Variants in VWA3B observed in about 807,000 individuals in gnomAD.
The protein encoded by VWA3B is von Willebrand factor A domain-containing protein 3B.
In VWA3B, 138 loss-of-function variants were observed where a neutral mutation model predicts 158.3. The observed-to-expected ratio is 0.87, with a 90% CI of 0.76 to 1.00. The LOEUF (loss-of-function observed/expected upper bound fraction) is 1.00. VWA3B is among the 50% of genes least tolerant of loss of function. The pLI is 0.00. For missense variants in VWA3B, 1,555 were observed against 1,565.1 expected (o/e 0.99, Z 0.11); for synonymous variants, 596 against 587.3 (o/e 1.01, Z -0.21).
At chr2:98,173,631 G>A (rs943876305) in intron 8 of VWA3B, among the ~76,000 whole-genome samples, 1 of 152,190 alleles carries the variant, frequency 6.6e-6, no homozygotes, top group African/African-American at 2.4e-5. Context: ...ATGCGATACA[G>A]GTATGGTGAA....
chr2:98,129,656 A>T (rs1053396126), intron 6 of VWA3B, among the ~76,000 whole-genome samples: 1 of 151,114 alleles, frequency 6.6e-6, no homozygotes, highest in African/African-American at 2.4e-5. Context: ...TAGTAATAAA[A>T]CCTGCATTTA....
At chr2:98,140,675 G>A (rs191324729) in intron 7 of VWA3B, among the ~76,000 whole-genome samples, 62 of 152,306 alleles carry the variant, frequency 4.1e-4, no homozygotes, top group African/African-American at 1.5e-3. Flanking sequence ...TGGGACCAGA[G>A]CGATGCTCCC....
intron 21 of VWA3B, among the ~76,000 whole-genome samples, chr2:98,264,017 T>C (rs971478614): frequency 6.6e-6 from 1 of 152,148 alleles, no homozygotes; most frequent in South Asian, 2.1e-4. Context: ...ATGCAATTTG[T>C]CGGTGTAATA....
chr2:98,288,156 T>TCC (rs1321608059), intron 22 of VWA3B, among the ~76,000 whole-genome samples: 1 of 152,168 alleles, frequency 6.6e-6, no homozygotes, highest in Non-Finnish European at 1.5e-5. Context: ...TGAGAATTGG[T>TCC]CATATTTGCT....
In VWA3B at chr2:98,250,439, G is replaced by C; in HGVS notation, c.2792+3G>C. 6.2e-7 allele frequency: 1 copy of C among 1,600,862 alleles called. No individual in the cohort carries two copies. The highest frequency in any genetic ancestry group is 1.1e-5 in the South Asian group (1 of 89,944). ...CAGGCAATTCAATCCTATGAAAAGTGAGTATTACTCTTGGCTGCTCTTTAA... is the reference window on the plus strand; with the variant it reads ...CAGGCAATTCAATCCTATGAAAAGTCAGTATTACTCTTGGCTGCTCTTTAA... On this transcript the variant is annotated splice_donor_region_variant and intron_variant, in intron 20 of 27. Coordinates refer to ENST00000477737, the MANE Select transcript of VWA3B (RefSeq NM_144992.5).
Position 98,128,233 on chromosome 2 carries a change from T to A in VWA3B, c.703-6T>A, listed in dbSNP as rs773588820. ...GAGATAAACCGTTGGCACCACTGTT[T>A]TGCAGATTGAATCCATTTACTACTT... On this transcript the variant is annotated splice_region_variant and splice_polypyrimidine_tract_variant and intron_variant, in intron 5 of 27. Coordinates refer to ENST00000477737, the MANE Select transcript of VWA3B (RefSeq NM_144992.5). The A allele has an allele frequency of 5.0e-6, 8 of 1,613,536 alleles. No homozygotes were observed. In the African/African-American group the frequency reaches 9.3e-5, roughly 19 times the overall value.
At chr2:98,206,830 G>C (rs1683061371) in intron 12 of VWA3B, 1 of 380,826 alleles carries the variant, frequency 2.6e-6, no homozygotes, top group African/African-American at 2.1e-5. Flanking sequence ...AGCCCATGGT[G>C]CTTAATCTGG....
intron 13 of VWA3B, among the ~76,000 whole-genome samples, chr2:98,215,170 G>A (rs927634624): frequency 8.5e-5 from 13 of 152,086 alleles, no homozygotes; most frequent in African/African-American, 1.7e-4. Flanking sequence ...GGCCAGGCGC[G>A]GTGGCTCATG....
At chr2:98,279,982 G>A (rs1035853546) in intron 22 of VWA3B, among the ~76,000 whole-genome samples, 18 of 152,228 alleles carry the variant, frequency 1.2e-4, no homozygotes, top group Admixed American at 3.9e-4. Context: ...CACCAGTCTC[G>A]TGTGAGATGT....
At chr2:98,092,881 G>A (rs1278164459) in intron 1 of VWA3B, among the ~76,000 whole-genome samples, 180 bp from the exon 2 acceptor site, 1 of 99,010 alleles carries the variant, frequency 1.0e-5, no homozygotes, top group Non-Finnish European at 2.0e-5. Flanking sequence ...GAACTTTATG[G>A]ATACCTCTTA....
chr2:98,257,553 C>CT (rs764404242), intron 21 of VWA3B, among the ~76,000 whole-genome samples: 5,951 of 145,274 alleles, frequency 0.041, 156 homozygotes, highest in Middle Eastern at 0.079. Flanking sequence ...TTTTCCTTTT[C>CT]TTTTTTTTTT....
chr2:98,321,309 T>G, the VWA3B span, among the ~76,000 whole-genome samples: 1 of 152,034 alleles, frequency 6.6e-6, no homozygotes, highest in African/African-American at 2.4e-5. Flanking sequence ...AAATGTGGGG[T>G]CAGATCCCCC....
At chr2:98,322,110 A>G in the VWA3B span, among the ~76,000 whole-genome samples, 2 of 152,198 alleles carry the variant, frequency 1.3e-5, no homozygotes, top group Admixed American at 1.3e-4. Flanking sequence ...CTCCCCAGCC[A>G]TGTGGAACTG....
intron 22 of VWA3B, among the ~76,000 whole-genome samples, chr2:98,287,376 ACTCAAG>A (rs765669523): frequency 6.6e-6 from 1 of 151,958 alleles, no homozygotes; most frequent in Non-Finnish European, 1.5e-5. Flanking sequence ...TTTACTTAGA[ACTCAAG>A]CTCTTTCTCT....
At chr2:98,152,835 C>T (rs1233595820) in intron 7 of VWA3B, among the ~76,000 whole-genome samples, 1 of 152,206 alleles carries the variant, frequency 6.6e-6, no homozygotes. Context: ...GGCTGAAAGC[C>T]ATGGTCAGAA....
At chr2:98,283,070 G>A (rs755316378) in intron 22 of VWA3B, among the ~76,000 whole-genome samples, 3 of 152,198 alleles carry the variant, frequency 2.0e-5, no homozygotes, top group Non-Finnish European at 4.4e-5. Flanking sequence ...TGAAAATGTA[G>A]AAAGCAATCT....
At chr2:98,215,427 C>T (rs541136229) in intron 13 of VWA3B, among the ~76,000 whole-genome samples, 295 of 148,100 alleles carry the variant, frequency 2.0e-3, no homozygotes, top group Middle Eastern at 6.9e-3. Flanking sequence ...GGCGACAGAG[C>T]GAGACTCCAT....
chr2:98,324,776 G>A, the VWA3B span, among the ~76,000 whole-genome samples: 1 of 152,122 alleles, frequency 6.6e-6, no homozygotes, highest in African/African-American at 2.4e-5. Context: ...CCAGCTGTTG[G>A]ATTATCAGAC....
chr2:98,198,850 G>T (rs1158848135), intron 12 of VWA3B, among the ~76,000 whole-genome samples: 2 of 152,106 alleles, frequency 1.3e-5, no homozygotes, highest in Non-Finnish European at 2.9e-5. Flanking sequence ...ACTTTGGGAG[G>T]CCGAGGCAGG....
Sources: allele counts gnomAD v4.1 joint callset (sites outside exome capture counted in the v4.1 genomes callset), GRCh38; gene constraint gnomAD v4.1.1; transcripts MANE v1.5; gene names NCBI Gene and HGNC (gene_info 2026-07-23, HGNC 2026-07-21).